Variants in SOCS6 observed in about 807,000 individuals in gnomAD.
The protein encoded by SOCS6 is STAT induced STAT inhibitor-4.
A neutral mutation model predicts 27.7 loss-of-function variants in SOCS6; 5 were observed. That is an observed-to-expected ratio of 0.18 (90% CI 0.09 to 0.38). SOCS6 has a LOEUF of 0.38. Ranked by LOEUF, SOCS6 falls within the 10% of genes least tolerant of loss-of-function variation. The probability of loss-of-function intolerance (pLI) is 1.00; values close to 1 mark genes in which losing one functional copy is unlikely to be tolerated. For missense variants in SOCS6, 595 were observed against 688.1 expected (o/e 0.86, Z 1.51); for synonymous variants, 271 against 260.0 (o/e 1.04, Z -0.41).
At chr18:70,316,200 T>C (rs1386270796) in intron 1 of SOCS6, among the ~76,000 whole-genome samples, 1 of 152,186 alleles carries the variant, frequency 6.6e-6, no homozygotes, top group Non-Finnish European at 1.5e-5. Context: ...CACTTTGAGA[T>C]TTTGTCTCTG....
intron 1 of SOCS6, among the ~76,000 whole-genome samples, chr18:70,319,897 C>T (rs1396254381): frequency 1.3e-5 from 2 of 152,138 alleles, no homozygotes; most frequent in African/African-American, 4.8e-5. Context: ...ATGATTATTC[C>T]ATGTGTTTTA....
chr18:70,325,663 CAGA>C lies in SOCS6; in HGVS notation c.998_1000del (p.Glu333del). 6.2e-7 allele frequency: 1 copy of C among 1,614,210 alleles called. No homozygotes were observed. The highest frequency in any genetic ancestry group is 8.5e-7 in the Non-Finnish European group (1 of 1,180,032). ...AGGAACTTCAGTGGACTCACTGGCACAGAAGCCCACGTGGCTGAAAGTATGCGC... is the reference window on the plus strand; with the variant it reads ...AGGAACTTCAGTGGACTCACTGGCACAGCCCACGTGGCTGAAAGTATGCGC... On this transcript the variant is annotated inframe_deletion, in exon 2 of 2. Coordinates refer to ENST00000397942, the MANE Select transcript of SOCS6 (RefSeq NM_004232.4). This position sits in a 1 kb window ranked among gnomAD's most constrained non-coding sequence, Gnocchi z 6.3.
chr18:70,305,489 C>T (rs2062365425), intron 1 of SOCS6, among the ~76,000 whole-genome samples: 1 of 152,270 alleles, frequency 6.6e-6, no homozygotes, highest in Middle Eastern at 3.4e-3. Context: ...GTCTTGATTC[C>T]TATAGTTTTA....
At position 70,329,357 on chromosome 18, in the gene SOCS6, G is replaced by A. The variant is rs1231438500; in HGVS notation, c.*3081G>A. 6.0e-6 allele frequency: 1 copy of A among 166,996 alleles called. No homozygotes were observed. The highest frequency in any genetic ancestry group is 1.5e-5 in the Non-Finnish European group (1 of 68,090). The allele number at this position is 166,996 out of a possible 1,614,324, so 10.3% of individuals were successfully genotyped here. A position where few individuals can be genotyped will look rare whatever the true frequency, so the allele number is the denominator to read the frequency against. On this transcript the variant is annotated 3_prime_UTR_variant, in exon 2 of 2. Transcript: ENST00000397942. Reference sequence around the variant, plus strand: ...CAAAAGGCTAAATCATTGGCATAAAGGAAACAAAACCCAAAGTATGCGTTG... The same window carrying A: ...CAAAAGGCTAAATCATTGGCATAAAAGAAACAAAACCCAAAGTATGCGTTG...
At chr18:70,322,536 A>G (rs1328171353) in intron 1 of SOCS6, among the ~76,000 whole-genome samples, 2 of 152,174 alleles carry the variant, frequency 1.3e-5, no homozygotes, top group Non-Finnish European at 2.9e-5. Flanking sequence ...GGGAAGCACA[A>G]CTATTTGAAT....
intron 1 of SOCS6, among the ~76,000 whole-genome samples, chr18:70,315,289 C>G (rs2062407123): frequency 6.6e-6 from 1 of 152,072 alleles, no homozygotes; most frequent in Non-Finnish European, 1.5e-5. Flanking sequence ...TTATTGTCCT[C>G]CCCTTTTTTC....
Position 70,327,703 on chromosome 18 carries a change from G to T in SOCS6, c.*1427G>T, listed in dbSNP as rs1911263588. The T allele has an allele frequency of 6.0e-6, 1 of 167,012 alleles. No homozygotes were observed. Among genetic ancestry groups the T allele is most frequent in the African/African-American group, 2.4e-5 (1 of 41,538 alleles). 10.3% of individuals were successfully genotyped at this position (167,012 alleles called of 1,614,324 possible). A position where few individuals can be genotyped will look rare whatever the true frequency, so the allele number is the denominator to read the frequency against. On this transcript the variant is annotated 3_prime_UTR_variant, in exon 2 of 2. Transcript: ENST00000397942. ...GCAATGGATGTAGTATTTTGGGATT[G>T]CCCTGTCCAGAAAATTTTCAGCTAC...
At chr18:70,324,349 C>G (rs17082352) in intron 1 of SOCS6, among the ~76,000 whole-genome samples, 194 bp from the exon 2 acceptor site, 8,275 of 149,770 alleles carry the variant, frequency 0.055, 735 homozygotes, top group African/African-American at 0.2. Context: ...AAATACTTGC[C>G]AAATGCTCAT....
At chr18:70,321,297 TAAC>T (rs1910975959) in intron 1 of SOCS6, among the ~76,000 whole-genome samples, 1 of 132,948 alleles carries the variant, frequency 7.5e-6, no homozygotes, top group Non-Finnish European at 1.6e-5. Context: ...AATAAATAAA[TAAC>T]AAATTTTCTC....
chr18:70,325,839 C>T lies in SOCS6; in HGVS notation c.1171C>T (p.Arg391Cys). Reference sequence around the variant, plus strand: ...AGGATGGTACTGGGGACCAATCACACGTTGGGAGGCAGAAGGGAAGCTAGC... The same window carrying T: ...AGGATGGTACTGGGGACCAATCACATGTTGGGAGGCAGAAGGGAAGCTAGC... ...KQGWYWGPIT[R>C]WEAEGKLANV... Residue 391 changes from arginine to cysteine, a missense_variant, in exon 2 of 2, where the codon CGT becomes TGT. Physicochemically the swap from Arg to Cys is radical, Grantham distance 180. Around this residue, in one of 2 missense-constraint regions of SOCS6, gnomAD observed 128 missense variants for 207.0 expected, o/e 0.62. Coordinates refer to ENST00000397942, the MANE Select transcript of SOCS6 (RefSeq NM_004232.4). This position sits in a 1 kb window ranked among gnomAD's most constrained non-coding sequence, Gnocchi z 6.3. The T allele has an allele frequency of 2.5e-6, 4 of 1,614,216 alleles. No individual in the cohort carries two copies. The highest frequency in any genetic ancestry group is 2.5e-6 in the Non-Finnish European group (3 of 1,180,024).
intron 1 of SOCS6, among the ~76,000 whole-genome samples, chr18:70,321,623 C>T (rs1042197560): frequency 6.6e-6 from 1 of 151,702 alleles, no homozygotes; most frequent in Non-Finnish European, 1.5e-5. Flanking sequence ...AGCCATCATG[C>T]CCCGCCTCTC....
chr18:70,293,484 C>T (rs1344263853), intron 1 of SOCS6, among the ~76,000 whole-genome samples: 1 of 152,112 alleles, frequency 6.6e-6, no homozygotes, highest in Non-Finnish European at 1.5e-5. Context: ...TAGAAAGTCA[C>T]CATCCCAAAA....
At chr18:70,290,602 A>C (rs929313533) in intron 1 of SOCS6, among the ~76,000 whole-genome samples, 3 of 152,160 alleles carry the variant, frequency 2.0e-5, no homozygotes, top group Admixed American at 1.3e-4. Flanking sequence ...CTTTGGTTCA[A>C]ACACCCTCCC....
intron 1 of SOCS6, among the ~76,000 whole-genome samples, chr18:70,311,627 T>C (rs1358592068): frequency 2.0e-5 from 3 of 152,214 alleles, no homozygotes; most frequent in East Asian, 3.8e-4. Flanking sequence ...TCCTTTTTAC[T>C]GTTCACTAGA....
At chr18:70,297,802 T>A (rs561884629) in intron 1 of SOCS6, among the ~76,000 whole-genome samples, 5 of 152,354 alleles carry the variant, frequency 3.3e-5, no homozygotes, top group African/African-American at 1.2e-4. Flanking sequence ...TTAATGTACA[T>A]TTAATAACAA....
intron 1 of SOCS6, among the ~76,000 whole-genome samples, chr18:70,303,974 G>T (rs1467552197): frequency 3.3e-5 from 5 of 152,000 alleles, no homozygotes; most frequent in African/African-American, 1.2e-4. Flanking sequence ...TTGTATGTGT[G>T]GAAAAATGTA....
intron 1 of SOCS6, among the ~76,000 whole-genome samples, chr18:70,320,653 C>CT (rs1282324820): frequency 1.3e-5 from 2 of 152,170 alleles, no homozygotes; most frequent in African/African-American, 4.8e-5. Context: ...TTATTAATCT[C>CT]TTACTGTACC....
intron 1 of SOCS6, among the ~76,000 whole-genome samples, chr18:70,294,089 T>TAAAA (rs78322157): frequency 7.3e-6 from 1 of 137,290 alleles, no homozygotes; most frequent in African/African-American, 2.7e-5. Flanking sequence ...AGACTCCGTT[T>TAAAA]AAAAAAAAAA....
intron 1 of SOCS6, among the ~76,000 whole-genome samples, chr18:70,294,064 C>T (rs2062312368): frequency 6.6e-6 from 1 of 150,606 alleles, no homozygotes; most frequent in Admixed American, 6.6e-5. Context: ...GCACTCCAGC[C>T]TGGGCAACAG....
Sources: gnomAD v4.1 joint callset for allele counts (sites outside exome capture counted in the v4.1 genomes callset) on GRCh38, gnomAD v4.1.1 for gene constraint, gnomAD v4.1.1 regional missense constraint, Gnocchi (gnomAD v3.1) non-coding constraint, MANE v1.5 for transcripts, NCBI Gene and HGNC (gene_info 2026-07-23, HGNC 2026-07-21) for gene names.